Variants in DNAH11 observed in about 807,000 individuals in gnomAD.
DNAH11 encodes axonemal beta dynein heavy chain 11.
In DNAH11, 442 loss-of-function variants were observed where a neutral mutation model predicts 526.0. The observed-to-expected ratio is 0.84, with a 90% CI of 0.78 to 0.91. DNAH11 has a LOEUF of 0.91. Among genes scored for constraint, DNAH11 ranks in the 40% least tolerant of loss-of-function variants. The probability of loss-of-function intolerance (pLI) is 0.00; values close to 1 mark genes in which losing one functional copy is unlikely to be tolerated. For synonymous variants in DNAH11, 2,461 were observed against 1,935.9 expected (o/e 1.27, Z -7.12); for missense variants, 6,989 against 5,448.7 (o/e 1.28, Z -8.90).
chr7:21,635,133 T>G (rs1030985912), intron 25 of DNAH11, among the ~76,000 whole-genome samples: 8 of 148,602 alleles, frequency 5.4e-5, no homozygotes, highest in African/African-American at 2.1e-4. Context: ...AGCAGGCTGG[T>G]GGGGGGCAGT....
In DNAH11 at chr7:21,773,751, T is replaced by C. The variant is rs551974653; in HGVS notation, c.9103-15T>C. On this transcript the variant is annotated splice_polypyrimidine_tract_variant and intron_variant, in intron 55 of 81. Coordinates refer to ENST00000409508, the MANE Select transcript of DNAH11 (RefSeq NM_001277115.2). ...TGAGAGGATTTCACATGAACTGTAA[T>C]GTTTGTGTTTTCAGCCAGTGCACAA... is the stretch of plus-strand genomic sequence containing the variant. 96 of 1,477,104 alleles carry C rather than the reference T, an allele frequency of 6.5e-5. 1 individual carries two copies. Among genetic ancestry groups the C allele is most frequent in the Middle Eastern group, 5.3e-4 (3 of 5,674 alleles). 91.5% of individuals were successfully genotyped at this position (1,477,104 alleles called of 1,614,324 possible). A position where few individuals can be genotyped will look rare whatever the true frequency, so the allele number is the denominator to read the frequency against.
chr7:21,711,652 G>C, intron 41 of DNAH11, 60 bp from the exon 42 acceptor site: 1 of 1,573,250 alleles, frequency 6.4e-7, no homozygotes, highest in Non-Finnish European at 8.6e-7. Flanking sequence ...AGTACTTGTT[G>C]CTTCTGGATG....
chr7:21,591,841 G>A (rs1258115031), intron 14 of DNAH11, among the ~76,000 whole-genome samples: 1 of 152,142 alleles, frequency 6.6e-6, no homozygotes, highest in Non-Finnish European at 1.5e-5. Flanking sequence ...TCTTTATCTT[G>A]TCACAGTTGC....
At position 21,792,522 on chromosome 7, in the gene DNAH11, C is replaced by A. The variant is rs536460576; in HGVS notation, c.10026+3180C>A. On this transcript the variant is annotated intron_variant, in intron 61 of 81. Transcript: ENST00000409508. ...GATTTCAACAGTAAAGCCATTAGGTCCTAGGGTTTTCTTTGATGGAGACTT... is the reference window on the plus strand; with the variant it reads ...GATTTCAACAGTAAAGCCATTAGGTACTAGGGTTTTCTTTGATGGAGACTT... 4.6e-5 allele frequency among the ~76,000 whole-genome samples: 7 copies of A among 152,202 alleles called. No homozygotes were observed. In the East Asian group the frequency reaches 1.4e-3, roughly 29 times the overall value.
intron 56 of DNAH11, among the ~76,000 whole-genome samples, chr7:21,776,369 T>C (rs113108005): frequency 0.011 from 1,693 of 152,250 alleles, 16 homozygotes; most frequent in Non-Finnish European, 0.013. Context: ...AATAAGTGGG[T>C]TATAAAAAGG....
rs1203566996 is a variant in DNAH11 at position 21,559,014 on chromosome 7, A to C, written c.692+16A>C. 1 of 1,555,628 alleles carries C rather than the reference A, an allele frequency of 6.4e-7. No homozygotes were observed. The highest frequency in any genetic ancestry group is 1.4e-5 in the African/African-American group (1 of 73,448). On this transcript the variant is annotated intron_variant, in intron 3 of 81. Coordinates refer to ENST00000409508, the MANE Select transcript of DNAH11 (RefSeq NM_001277115.2). ...CAGAGAACAAGTACGTAACAGTACA[A>C]TATATACAGGATATTAAAGTAGAGA...
chr7:21,873,784 C>CTTGTT, intron 74 of DNAH11, among the ~76,000 whole-genome samples: 1 of 70,698 alleles, frequency 1.4e-5, no homozygotes. Context: ...GAGGAGGTTG[C>CTTGTT]TTTTTTTTTT....
intron 64 of DNAH11, among the ~76,000 whole-genome samples, chr7:21,817,378 T>C (rs182775771): frequency 6.9e-4 from 105 of 152,192 alleles, no homozygotes; most frequent in South Asian, 6.2e-4. Flanking sequence ...TCTGTAGTTA[T>C]ACAAGTAAAT....
At chr7:21,640,914 C>T (rs1787100124) in intron 28 of DNAH11, among the ~76,000 whole-genome samples, 2 of 152,060 alleles carry the variant, frequency 1.3e-5, no homozygotes, top group African/African-American at 2.4e-5. Context: ...TGTCATTGTC[C>T]TTTCTTAATG....
Position 21,725,989 on chromosome 7 carries a change from G to A in DNAH11, c.7440+5G>A, listed in dbSNP as rs1470236792. Reference sequence around the variant, plus strand: ...GATCCAGATGTGCCTCTGCAGGTAGGTGTGTGGAACATAGCAATTGTATTA... The same window carrying A: ...GATCCAGATGTGCCTCTGCAGGTAGATGTGTGGAACATAGCAATTGTATTA... On this transcript the variant is annotated splice_donor_5th_base_variant and intron_variant, in intron 45 of 81. Transcript: ENST00000409508. 2.6e-6 allele frequency: 4 copies of A among 1,546,178 alleles called. No homozygotes were observed. The highest frequency in any genetic ancestry group is 3.5e-6 in the Non-Finnish European group (4 of 1,144,560).
intron 61 of DNAH11, among the ~76,000 whole-genome samples, chr7:21,798,749 A>C (rs979337638): frequency 6.6e-6 from 1 of 152,196 alleles, no homozygotes; most frequent in Admixed American, 6.5e-5. Context: ...GCAACACCTC[A>C]ACAGATTGAA....
At chr7:21,887,413 T>C (rs1784165806) in intron 76 of DNAH11, among the ~76,000 whole-genome samples, 1 of 152,208 alleles carries the variant, frequency 6.6e-6, no homozygotes, top group Non-Finnish European at 1.5e-5. Context: ...CACCTTAAAG[T>C]TATCATATAA....
At chr7:21,613,934 A>ATTTTTTT (rs575437991) in intron 20 of DNAH11, among the ~76,000 whole-genome samples, 16,126 of 142,290 alleles carry the variant, frequency 0.11, 986 homozygotes, top group East Asian at 0.18. Context: ...TGCCCAGCTA[A>ATTTTTTT]TTTTTTTTTT....
intron 35 of DNAH11, among the ~76,000 whole-genome samples, chr7:21,692,612 T>C (rs761527718): frequency 1.1e-4 from 17 of 152,220 alleles, no homozygotes; most frequent in Non-Finnish European, 2.9e-5. Flanking sequence ...GGGGCTATTA[T>C]GAATAAAGCG....
At chr7:21,789,439 T>C in intron 61 of DNAH11, 97 bp downstream of exon 61, 1 of 719,278 alleles carries the variant, frequency 1.4e-6, no homozygotes, top group Non-Finnish European at 2.3e-6. Context: ...CTGAGCCCTA[T>C]CAAGCAGAAA....
chr7:21,591,014 AT>A lies in DNAH11; in HGVS notation c.2270del (p.Leu757Ter). The A allele has an allele frequency of 6.6e-7, 1 of 1,504,118 alleles. No homozygotes were observed. 93.2% of individuals were successfully genotyped at this position (1,504,118 alleles called of 1,614,324 possible). ...ALAIFKKRNTILKYIGNLDLL... is the reference protein window; with the variant it reads ...ALAIFKKRNTXLKYIGNLDLL... ...AGCCATCTTCAAGAAAAGGAACACT[AT>A]TTTAAAGGTTTGTGATTTTTGTTAA... On this transcript the variant is annotated frameshift_variant, in exon 13 of 82. Transcript: ENST00000409508. LOFTEE classifies it high-confidence loss of function.
chr7:21,583,465 A>T (rs759194485), intron 9 of DNAH11, among the ~76,000 whole-genome samples: 1 of 152,246 alleles, frequency 6.6e-6, no homozygotes, highest in East Asian at 1.9e-4. Context: ...TGTAAGACCT[A>T]AAACCATAAT....
At chr7:21,841,427 TTGA>T (rs1782199963) in intron 65 of DNAH11, among the ~76,000 whole-genome samples, 1 of 152,148 alleles carries the variant, frequency 6.6e-6, no homozygotes, top group South Asian at 2.1e-4. Flanking sequence ...CATGCTAATG[TTGA>T]TGAGGGAAAA....
chr7:21,685,215 G>T (rs1160896840), intron 32 of DNAH11, among the ~76,000 whole-genome samples: 12 of 152,212 alleles, frequency 7.9e-5, no homozygotes, highest in Admixed American at 7.9e-4. Context: ...TAAAATTGTA[G>T]CTTGATGAAG....
Sources: allele counts gnomAD v4.1 joint callset (sites outside exome capture counted in the v4.1 genomes callset), GRCh38; gene constraint gnomAD v4.1.1; transcripts MANE v1.5; gene names NCBI Gene and HGNC (gene_info 2026-07-23, HGNC 2026-07-21).